DENND4C: variants seen among roughly 807,000 people sequenced by gnomAD.
DENND4C encodes DENN domain-containing protein 4C.
A neutral mutation model predicts 203.0 loss-of-function variants in DENND4C; 108 were observed. The ratio of observed to expected loss-of-function variants is 0.53; its 90% CI spans 0.46 to 0.62. The LOEUF is 0.62. Among genes scored for constraint, DENND4C ranks in the 20% least tolerant of loss-of-function variants. The pLI is 0.00. For missense variants in DENND4C, 2,481 were observed against 2,301.2 expected, an observed-to-expected ratio of 1.08 and a Z score of -1.60; for synonymous variants, 871 against 792.4, an observed-to-expected ratio of 1.10 and a Z score of -1.67.
At chr9:19,309,278 C>A (rs890376275) in intron 10 of DENND4C, among the ~76,000 whole-genome samples, 1 of 151,960 alleles carries the variant, frequency 6.6e-6, no homozygotes, top group African/African-American at 2.4e-5. Flanking sequence ...CAAAACTAGC[C>A]GGGCATGGTG....
At chr9:19,289,559 T>G (rs1163936662) in intron 4 of DENND4C, among the ~76,000 whole-genome samples, 1 of 152,208 alleles carries the variant, frequency 6.6e-6, no homozygotes, top group Admixed American at 6.5e-5. Context: ...CTGGGCATGG[T>G]GGCTCACGCC....
chr9:19,283,193 G>C (rs1327840666), intron 2 of DENND4C, among the ~76,000 whole-genome samples: 1 of 151,390 alleles, frequency 6.6e-6, no homozygotes, highest in Non-Finnish European at 1.5e-5. Flanking sequence ...AAACTATTTT[G>C]TTAAAATTTA....
intron 1 of DENND4C, among the ~76,000 whole-genome samples, chr9:19,260,558 C>T (rs181377170): frequency 1.3e-4 from 19 of 151,920 alleles, no homozygotes; most frequent in East Asian, 3.9e-4. Context: ...CCATCACACC[C>T]GGCTAATTTT....
Position 19,345,938 on chromosome 9 carries a change from C to T in DENND4C, c.3169C>T (p.Leu1057=), listed in dbSNP as rs771755297. 2 of 1,611,462 alleles carry T rather than the reference C, an allele frequency of 1.2e-6. No homozygotes were observed. Among genetic ancestry groups the T allele is most frequent in the Non-Finnish European group, 8.5e-7 (1 of 1,178,926 alleles). The change falls in exon 23 of 33, where the codon CTG becomes TTG. Residue 1057 remains leucine (L), a synonymous_variant. Transcript: ENST00000434457. ...CCTTTTAGGTAGTATATCAAATGTG[C>T]TGTTTTCTACTCAAGATCCAGTTGA... is the stretch of plus-strand genomic sequence containing the variant. ...KSSTGSISNV[L]FSTQDPVEDA...
rs1829056359 is a variant in DENND4C, at chr9:19,372,821, C to T, written c.*648C>T. 7.3e-6 allele frequency: 1 copy of T among 137,530 alleles called. No individual in the cohort carries two copies. The highest frequency in any genetic ancestry group is 7.6e-5 in the Admixed American group (1 of 13,156). The allele number at this position is 137,530 out of a possible 1,614,324, so 8.5% of individuals were successfully genotyped here. A position where few individuals can be genotyped will look rare whatever the true frequency, so the allele number is the denominator to read the frequency against. The stretch of plus-strand genomic sequence containing the variant: ...GCTACAGTGAGTGGAGATCACGCCA[C>T]TGCAACTCCAGCTTGGGTGACAGAG... On this transcript the variant is annotated 3_prime_UTR_variant, in exon 33 of 33. Transcript: ENST00000434457.
intron 13 of DENND4C, among the ~76,000 whole-genome samples, chr9:19,324,790 G>A (rs935066886): frequency 1.3e-5 from 2 of 152,312 alleles, no homozygotes; most frequent in South Asian, 4.1e-4. Context: ...CATGATCATA[G>A]CTCATTGCAA....
At chr9:19,252,629 G>T (rs1170048386) in intron 1 of DENND4C, among the ~76,000 whole-genome samples, 2 of 151,958 alleles carry the variant, frequency 1.3e-5, no homozygotes, top group Non-Finnish European at 2.9e-5. Flanking sequence ...CTTTCAATGT[G>T]GTTGTGTTAT....
chr9:19,353,703 C>T (rs770268868), intron 26 of DENND4C, among the ~76,000 whole-genome samples: 10 of 151,936 alleles, frequency 6.6e-5, no homozygotes, highest in African/African-American at 1.9e-4. Context: ...GAGGCCGAGG[C>T]AGGCAGATCA....
At chr9:19,250,018 G>A (rs771543025) in intron 1 of DENND4C, among the ~76,000 whole-genome samples, 3 of 152,096 alleles carry the variant, frequency 2.0e-5, no homozygotes, top group Non-Finnish European at 4.4e-5. Flanking sequence ...GTTATATGTG[G>A]CTGGGCGCTG....
chr9:19,306,749 T>G (rs1340528314), intron 10 of DENND4C, among the ~76,000 whole-genome samples: 1 of 92,860 alleles, frequency 1.1e-5, no homozygotes, highest in South Asian at 2.9e-4. Context: ...ACAATTGTAT[T>G]TATTTATTTA....
chr9:19,246,109 A>C (rs1449708184), intron 1 of DENND4C, among the ~76,000 whole-genome samples: 1 of 150,830 alleles, frequency 6.6e-6, no homozygotes, highest in Non-Finnish European at 1.5e-5. Flanking sequence ...TCATTTAATA[A>C]AAATTTCAGT....
chr9:19,303,993 A>G (rs1394331644), intron 9 of DENND4C, among the ~76,000 whole-genome samples: 1 of 150,176 alleles, frequency 6.7e-6, no homozygotes, highest in Admixed American at 6.6e-5. Flanking sequence ...GAATCACTGC[A>G]TTTGGCCTTA....
chr9:19,327,216 C>T lies in DENND4C; in HGVS notation c.2121-814C>T, dbSNP rs539374488. Among the ~76,000 whole-genome samples the T allele has an allele frequency of 5.3e-5, 8 of 151,996 alleles. No homozygotes were observed. In the South Asian group the frequency reaches 8.3e-4, roughly 16 times the overall value. ...CAAGATAAAATCAAATATGGAAAGG[C>T]GCTATATTCTGGAAGAAAATTGGCC... is the stretch of plus-strand genomic sequence containing the variant. On this transcript the variant is annotated intron_variant, in intron 15 of 32. Coordinates refer to ENST00000434457, the MANE Select transcript of DENND4C (RefSeq NM_001330640.2).
intron 2 of DENND4C, among the ~76,000 whole-genome samples, chr9:19,280,826 C>A (rs753193591): frequency 6.6e-6 from 1 of 152,008 alleles, no homozygotes; most frequent in African/African-American, 2.4e-5. Flanking sequence ...CTGCAGCCTC[C>A]GCCTTCTGGG....
chr9:19,363,055 C>G (rs973526130), intron 30 of DENND4C, among the ~76,000 whole-genome samples: 6 of 152,190 alleles, frequency 3.9e-5, no homozygotes, highest in African/African-American at 1.4e-4. Context: ...AGTCTAAAAT[C>G]TAGAAAGGGA....
Position 19,350,697 on chromosome 9 carries a change from T to G in DENND4C, c.4318-5T>G, listed in dbSNP as rs1554642344. On this transcript the variant is annotated splice_polypyrimidine_tract_variant and splice_region_variant and intron_variant, in intron 23 of 32. Coordinates refer to ENST00000434457, the MANE Select transcript of DENND4C (RefSeq NM_001330640.2). ...GTATGTGGAATTTTTTTTTTTCAAT[T>G]AAAGGAAGAAACTAATAGAGACTAC... is the stretch of plus-strand genomic sequence containing the variant. 1.3e-6 allele frequency: 2 copies of G among 1,596,882 alleles called. No individual in the cohort carries two copies. Among genetic ancestry groups the G allele is most frequent in the African/African-American group, 2.7e-5 (2 of 73,640 alleles).
chr9:19,271,702 A>C (rs1399864097), intron 1 of DENND4C, among the ~76,000 whole-genome samples: 1 of 152,026 alleles, frequency 6.6e-6, no homozygotes, highest in Admixed American at 6.5e-5. Context: ...CCCCGTCTCT[A>C]CTAAAAATAC....
chr9:19,322,947 A>G (rs540877878), intron 12 of DENND4C, among the ~76,000 whole-genome samples: 1 of 152,274 alleles, frequency 6.6e-6, no homozygotes, highest in African/African-American at 2.4e-5. Flanking sequence ...AGGAAAGTCA[A>G]GGGACTGTGA....
At chr9:19,274,444 C>T (rs924310462) in intron 1 of DENND4C, among the ~76,000 whole-genome samples, 8 of 152,022 alleles carry the variant, frequency 5.3e-5, no homozygotes, top group Middle Eastern at 3.4e-3. Flanking sequence ...TACAGGCATG[C>T]GCCACCGCAC....
Sources: gnomAD v4.1 joint callset for allele counts (sites outside exome capture counted in the v4.1 genomes callset) on GRCh38, gnomAD v4.1.1 for gene constraint, MANE v1.5 for transcripts, NCBI Gene and HGNC (gene_info 2026-07-23, HGNC 2026-07-21) for gene names.